SGCZ: variants seen among roughly 807,000 people sequenced by gnomAD.
SGCZ encodes the protein zeta-sarcoglycan.
In SGCZ, 40 loss-of-function variants were observed where a neutral mutation model predicts 41.3. The ratio of observed to expected loss-of-function variants is 0.97; its 90% CI spans 0.75 to 1.26. The LOEUF is 1.26. Among genes scored for constraint, SGCZ ranks in the 50% most tolerant of loss-of-function variants. The probability of loss-of-function intolerance (pLI) is 0.00; values close to 1 mark genes in which losing one functional copy is unlikely to be tolerated. For missense variants in SGCZ, 552 were observed against 369.8 expected, an observed-to-expected ratio of 1.49 and a Z score of -4.04; for synonymous variants, 206 against 137.5, an observed-to-expected ratio of 1.50 and a Z score of -3.49.
At chr8:14,586,225 T>A (rs1805052520) in intron 1 of SGCZ, among the ~76,000 whole-genome samples, 1 of 152,180 alleles carries the variant, frequency 6.6e-6, no homozygotes, top group Non-Finnish European at 1.5e-5. Context: ...GTTTTGTTTT[T>A]GTTTTTCCCT....
chr8:14,354,341 C>A (rs1352653989), intron 2 of SGCZ, among the ~76,000 whole-genome samples: 1 of 151,744 alleles, frequency 6.6e-6, no homozygotes, highest in African/African-American at 2.4e-5. Flanking sequence ...ATGTAATAAA[C>A]TGTATAAAAC....
At chr8:14,641,709 A>G (rs1332476644) in intron 1 of SGCZ, among the ~76,000 whole-genome samples, 1 of 151,678 alleles carries the variant, frequency 6.6e-6, no homozygotes, top group Non-Finnish European at 1.5e-5. Context: ...GTTTATTGCT[A>G]CAATAATCTT....
At chr8:14,673,519 C>T (rs1808176981) in intron 1 of SGCZ, among the ~76,000 whole-genome samples, 1 of 152,012 alleles carries the variant, frequency 6.6e-6, no homozygotes, top group Non-Finnish European at 1.5e-5. Context: ...TCCCCTTTGC[C>T]TTCGCCATGA....
At chr8:14,486,112 A>T (rs2117016153) in intron 2 of SGCZ, among the ~76,000 whole-genome samples, 1 of 152,334 alleles carries the variant, frequency 6.6e-6, no homozygotes. Flanking sequence ...ATATGTAACT[A>T]TGTTTAGCAT....
intron 1 of SGCZ, among the ~76,000 whole-genome samples, chr8:14,570,954 A>G (rs1163857225): frequency 2.0e-5 from 3 of 152,246 alleles, no homozygotes; most frequent in South Asian, 2.1e-4. Context: ...TATTAAATAA[A>G]TAAAATGACT....
chr8:14,279,451 C>T (rs1191308380), intron 3 of SGCZ, among the ~76,000 whole-genome samples: 1 of 151,788 alleles, frequency 6.6e-6, no homozygotes, highest in Non-Finnish European at 1.5e-5. Context: ...CTAGATTACA[C>T]ATTTTTTTTC....
At chr8:14,164,937 C>T (rs1804163820) in intron 4 of SGCZ, 1 of 446,762 alleles carries the variant, frequency 2.2e-6, no homozygotes, top group Middle Eastern at 6.5e-4. Context: ...TCTGACATAG[C>T]ATGTGAGTTT....
intron 1 of SGCZ, among the ~76,000 whole-genome samples, chr8:14,771,121 T>G (rs1800222804): frequency 6.6e-6 from 1 of 152,038 alleles, no homozygotes; most frequent in Admixed American, 6.6e-5. Flanking sequence ...AGGATTTGGG[T>G]AAATAAGGAT....
intron 6 of SGCZ, among the ~76,000 whole-genome samples, chr8:14,106,339 CTA>C (rs540817685): frequency 3.7e-4 from 57 of 152,278 alleles, no homozygotes; most frequent in Non-Finnish European, 6.8e-4. Flanking sequence ...CCGTAGCATC[CTA>C]TGAGATGCTG....
intron 1 of SGCZ, among the ~76,000 whole-genome samples, chr8:14,573,518 T>G (rs1382650311): frequency 6.6e-6 from 1 of 152,120 alleles, no homozygotes; most frequent in East Asian, 1.9e-4. Flanking sequence ...TTAAACACAT[T>G]ACCAATTTCT....
At chr8:14,867,375 C>T (rs531881927) in intron 1 of SGCZ, among the ~76,000 whole-genome samples, 1 of 152,140 alleles carries the variant, frequency 6.6e-6, no homozygotes, top group East Asian at 1.9e-4. Context: ...AGGTTGATTT[C>T]ATGTATTTGC....
At chr8:14,593,658 A>C (rs1357236395) in intron 1 of SGCZ, among the ~76,000 whole-genome samples, 1 of 152,226 alleles carries the variant, frequency 6.6e-6, no homozygotes, top group East Asian at 1.9e-4. Flanking sequence ...AAATCTACAC[A>C]ATGTAAATGA....
chr8:14,139,155 G>T (rs1259421035), intron 5 of SGCZ, among the ~76,000 whole-genome samples: 1 of 152,118 alleles, frequency 6.6e-6, no homozygotes, highest in Middle Eastern at 3.2e-3. Flanking sequence ...AGAAAAAAAA[G>T]ACATAACATA....
At chr8:14,232,856 A>C (rs1479838235) in intron 4 of SGCZ, among the ~76,000 whole-genome samples, 1 of 152,062 alleles carries the variant, frequency 6.6e-6, no homozygotes, top group African/African-American at 2.4e-5. Context: ...ATCCTATTTA[A>C]AGCATAAGAC....
At chr8:14,244,255 C>T (rs1469608267) in intron 3 of SGCZ, among the ~76,000 whole-genome samples, 2 of 151,650 alleles carry the variant, frequency 1.3e-5, no homozygotes. Context: ...TCCTCCTTCT[C>T]TTCCTTCTTC....
intron 1 of SGCZ, among the ~76,000 whole-genome samples, chr8:14,999,518 G>A (rs370603036): frequency 6.6e-6 from 1 of 152,170 alleles, no homozygotes; most frequent in Non-Finnish European, 1.5e-5. Flanking sequence ...GGCACATACA[G>A]AGGATGCTGC....
At chr8:14,542,146 T>G (rs1485641640) in intron 2 of SGCZ, among the ~76,000 whole-genome samples, 1 of 152,112 alleles carries the variant, frequency 6.6e-6, no homozygotes, top group Non-Finnish European at 1.5e-5. Context: ...TTAGATCACA[T>G]TTGTCAATTT....
chr8:14,125,220 G>A (rs937882833), intron 5 of SGCZ, among the ~76,000 whole-genome samples: 2 of 152,070 alleles, frequency 1.3e-5, no homozygotes, highest in African/African-American at 2.4e-5. Context: ...GGTGGCTCAC[G>A]CCTGCAATCC....
At chr8:15,208,898 T>TAC (rs1174731361) in intron 1 of SGCZ, among the ~76,000 whole-genome samples, 1 of 121,018 alleles carries the variant, frequency 8.3e-6, no homozygotes, top group Non-Finnish European at 1.9e-5. Context: ...CCTATACATA[T>TAC]ATATAGAGAG....
Sources: gnomAD v4.1 joint callset for allele counts (sites outside exome capture counted in the v4.1 genomes callset) on GRCh38, gnomAD v4.1.1 for gene constraint, MANE v1.5 for transcripts, NCBI Gene and HGNC (gene_info 2026-07-23, HGNC 2026-07-21) for gene names.